Variants in KCTD13 observed in about 807,000 individuals in gnomAD.
KCTD13 encodes potassium channel tetramerization domain containing 13.
In KCTD13, 15 loss-of-function variants were observed where a neutral mutation model predicts 32.3. The observed-to-expected ratio is 0.46, with a 90% CI of 0.31 to 0.71. The LOEUF (loss-of-function observed/expected upper bound fraction) is 0.71, where lower values mean the gene tolerates loss of function less well. KCTD13 is among the 30% of genes least tolerant of loss of function. The pLI is 0.05. For synonymous variants in KCTD13, 189 were observed against 200.1 expected (o/e 0.94, Z 0.47); for missense variants, 337 against 452.6 (o/e 0.74, Z 2.32).
Position 29,906,777 on chromosome 16 carries a change from T to A in KCTD13, c.*95A>T, listed in dbSNP as rs2150831289. On this transcript the variant is annotated 3_prime_UTR_variant, in exon 6 of 6. Transcript: ENST00000568000. ...AAGGGACAGAGGAGGACCCACGACT[T>A]GGCCAGCAGAGCCGGGGCAAAAGTC... is the stretch of plus-strand genomic sequence containing the variant. 3 of 1,092,828 alleles carry A rather than the reference T, an allele frequency of 2.7e-6. No homozygotes were observed. The East Asian group carries it at 7.7e-5, about 28-fold the overall frequency. The allele number at this position is 1,092,828 out of a possible 1,614,324, so 67.7% of individuals were successfully genotyped here.
intron 2 of KCTD13, among the ~76,000 whole-genome samples, chr16:29,918,493 C>A (rs962803862): frequency 5.3e-5 from 8 of 152,096 alleles, no homozygotes; most frequent in African/African-American, 4.8e-5. Flanking sequence ...TATTTTGAGA[C>A]AGAGTCTTGC....
At chr16:29,912,257 C>T (rs2068726792) in intron 2 of KCTD13, 1 of 595,878 alleles carries the variant, frequency 1.7e-6, no homozygotes, top group Admixed American at 3.3e-5. Flanking sequence ...TTCACACATC[C>T]AGCTTGTGCC....
At chr16:29,918,892 T>TCA (rs2068859617) in intron 2 of KCTD13, among the ~76,000 whole-genome samples, 1 of 151,276 alleles carries the variant, frequency 6.6e-6, no homozygotes, top group Non-Finnish European at 1.5e-5. Context: ...ACTCCTGACC[T>TCA]TGTGATCCAC....
intron 2 of KCTD13, chr16:29,922,779 C>T: frequency 2.5e-6 from 1 of 393,150 alleles, no homozygotes; most frequent in Non-Finnish European, 4.5e-6. Context: ...TGCTGCCTCC[C>T]AGGATAGGGC....
chr16:29,925,561 T>A (rs1450273071), intron 1 of KCTD13: 1 of 574,108 alleles, frequency 1.7e-6, no homozygotes, highest in Non-Finnish European at 3.1e-6. Flanking sequence ...CAGTTAGGGG[T>A]TCCGTAAGTG....
Position 29,906,583 on chromosome 16 carries a change from G to A in KCTD13, c.*289C>T. 1.7e-6 allele frequency: 1 copy of A among 576,876 alleles called. No homozygotes were observed. Among genetic ancestry groups the A allele is most frequent in the Non-Finnish European group, 3.3e-6 (1 of 304,090 alleles). The allele number at this position is 576,876 out of a possible 1,614,324, so 35.7% of individuals were successfully genotyped here. Reference sequence around the variant, plus strand: ...GACGATGCACTAAAAAAAGAGAAAGGGAATTCTAAATCCCTCTTAACCAGC... The same window carrying A: ...GACGATGCACTAAAAAAAGAGAAAGAGAATTCTAAATCCCTCTTAACCAGC... On this transcript the variant is annotated 3_prime_UTR_variant, in exon 6 of 6. Transcript: ENST00000568000.
At position 29,926,010 on chromosome 16, in the gene KCTD13, C is replaced by T. The variant is rs764670839; in HGVS notation, c.24G>A (p.Pro8=). The change falls in exon 1 of 6, where the codon CCG becomes CCA. Residue 8 remains proline (P), a synonymous_variant. Coordinates refer to ENST00000568000, the MANE Select transcript of KCTD13 (RefSeq NM_178863.5). ...CCAGGGACGGGGCCGCGGCGGCAGC[C>T]GGGCCCGAGGCCTCCGCCGACATGC... is the stretch of plus-strand genomic sequence containing the variant. MSAEASG[P]AAAAAPSLEA... is the part of the protein sequence containing the mutation. The T allele has an allele frequency of 3.8e-5, 59 of 1,570,684 alleles. No homozygotes were observed. Among genetic ancestry groups the T allele is most frequent in the Non-Finnish European group, 4.9e-5 (57 of 1,161,370 alleles).
chr16:29,920,019 A>C (rs1358379485), intron 2 of KCTD13: 1 of 152,208 alleles, frequency 6.6e-6, no homozygotes, highest in Non-Finnish European at 1.5e-5. Context: ...TCCTCATCTG[A>C]ATCTCAAAAA....
intron 2 of KCTD13, chr16:29,912,332 T>G: frequency 3.9e-6 from 2 of 518,744 alleles, no homozygotes; most frequent in South Asian, 5.0e-5. Flanking sequence ...GCGTGGCGTG[T>G]CCGTCATGCC....
In KCTD13 at chr16:29,906,891, T is replaced by C; in HGVS notation, c.971A>G (p.Gln324Arg). ...CAGAGGTCAGTCCTTGAAGACAATT[T>C]GTTGGCCATGAGGACGCTCGTCGTG... is the stretch of plus-strand genomic sequence containing the variant. ...ITHDERPHGQ[Q>R]IVFKD The change falls in exon 6 of 6, where the codon CAA becomes CGA. Residue 324 changes from glutamine (Q) to arginine (R), a missense_variant. Around this residue, in one of 3 missense-constraint regions of KCTD13, gnomAD observed 252 missense variants for 340.2 expected, o/e 0.74. Coordinates refer to ENST00000568000, the MANE Select transcript of KCTD13 (RefSeq NM_178863.5). 1.2e-6 allele frequency: 2 copies of C among 1,613,914 alleles called. No homozygotes were observed. Among genetic ancestry groups the C allele is most frequent in the Non-Finnish European group, 1.7e-6 (2 of 1,179,940 alleles).
intron 1 of KCTD13, among the ~76,000 whole-genome samples, chr16:29,923,749 G>A (rs1001495163): frequency 5.9e-5 from 9 of 151,978 alleles, no homozygotes; most frequent in Admixed American, 1.3e-4. Context: ...CTACTCGGGG[G>A]GGGGCGAGGC....
chr16:29,906,982 G>A lies in KCTD13; in HGVS notation c.880C>T (p.Arg294Cys), dbSNP rs372459220. The A allele has an allele frequency of 8.1e-6, 13 of 1,614,010 alleles. No individual in the cohort carries two copies. Among genetic ancestry groups the A allele is most frequent in the South Asian group, 1.1e-5 (1 of 91,078 alleles). ...TCTCGGTTCTCTTCATCCTCCCCGC[G>A]GCCAGCCCCACCAGCTCCAGCTGCT... ...GGAAGAGGAG[R>C]GEDEENREHR... The change falls in exon 6 of 6, where the codon CGC becomes TGC. Residue 294 changes from arginine to cysteine, a missense_variant. Physicochemically the swap from Arg to Cys is radical, Grantham distance 180. Transcript: ENST00000568000.
chr16:29,920,475 G>A (rs1385634155), intron 2 of KCTD13: 3 of 152,120 alleles, frequency 2.0e-5, no homozygotes, highest in African/African-American at 7.2e-5. Flanking sequence ...GAATGTATAA[G>A]ACATACCCAT....
In KCTD13 at chr16:29,926,157, C is replaced by T; in HGVS notation, c.-124G>A. On this transcript the variant is annotated 5_prime_UTR_variant, in exon 1 of 6. Coordinates refer to ENST00000568000, the MANE Select transcript of KCTD13 (RefSeq NM_178863.5). ...GCTCGGCGCACACGCCCACTCACCG[C>T]AGCTACTCTGCAAGACCGGCCCTCC... 8.7e-7 allele frequency: 1 copy of T among 1,149,626 alleles called. No individual in the cohort carries two copies. The highest frequency in any genetic ancestry group is 1.2e-6 in the Non-Finnish European group (1 of 864,160). 71.2% of individuals were successfully genotyped at this position (1,149,626 alleles called of 1,614,324 possible).
At chr16:29,910,954 C>A in intron 5 of KCTD13, 24 bp downstream of exon 5, 1 of 1,604,312 alleles carries the variant, frequency 6.2e-7, no homozygotes, top group Non-Finnish European at 8.5e-7. Flanking sequence ...CAGCCCCCAA[C>A]ATAGGCTCTG....
intron 5 of KCTD13, among the ~76,000 whole-genome samples, chr16:29,910,214 A>G (rs2068682172): frequency 6.6e-6 from 1 of 151,686 alleles, no homozygotes; most frequent in African/African-American, 2.4e-5. Context: ...CCTGGCCAAC[A>G]TGGTGAAACC....
chr16:29,918,649 TTTTA>T (rs935758006), intron 2 of KCTD13, among the ~76,000 whole-genome samples: 19 of 151,788 alleles, frequency 1.3e-4, no homozygotes, highest in Admixed American at 7.2e-4. Flanking sequence ...TTTTGTAATT[TTTTA>T]TTTATTTATT....
At chr16:29,914,205 C>A (rs1315201485) in intron 2 of KCTD13, 1 of 152,142 alleles carries the variant, frequency 6.6e-6, no homozygotes, top group Non-Finnish European at 1.5e-5. Context: ...GAACGAGCAC[C>A]AGGGGACGAG....
Position 29,906,624 on chromosome 16 carries a change from G to A in KCTD13, c.*248C>T, listed in dbSNP as rs546147544. On this transcript the variant is annotated 3_prime_UTR_variant, in exon 6 of 6. Coordinates refer to ENST00000568000, the MANE Select transcript of KCTD13 (RefSeq NM_178863.5). ...CTTAACCAGCTGGAGAGGGAAGGAC[G>A]CAGGGCCAGGGTGGGGACAAGTGTT... The A allele has an allele frequency of 2.4e-5, 16 of 658,716 alleles. No homozygotes were observed. The highest frequency in any genetic ancestry group is 5.9e-5 in the East Asian group (2 of 33,772). 40.8% of individuals were successfully genotyped at this position (658,716 alleles called of 1,614,324 possible). A position where few individuals can be genotyped will look rare whatever the true frequency, so the allele number is the denominator to read the frequency against.
Sources: allele counts gnomAD v4.1 joint callset (sites outside exome capture counted in the v4.1 genomes callset), GRCh38; gene constraint gnomAD v4.1.1; regional missense constraint gnomAD v4.1.1; transcripts MANE v1.5; gene names NCBI Gene and HGNC (gene_info 2026-07-23, HGNC 2026-07-21).